Variants in SOX6 observed in about 807,000 individuals in gnomAD.
SOX6 encodes the protein transcription factor SOX-6.
In SOX6, 11 loss-of-function variants were observed where a neutral mutation model predicts 97.8. The ratio of observed to expected loss-of-function variants is 0.11; its 90% confidence interval spans 0.07 to 0.19. The LOEUF is 0.19. Among genes scored for constraint, SOX6 ranks in the 10% least tolerant of loss-of-function variants. The pLI is 1.00. For missense variants in SOX6, 810 were observed against 1,039.5 expected (o/e 0.78, Z 3.04); for synonymous variants, 360 against 371.4 (o/e 0.97, Z 0.35).
chr11:16,043,936 T>G (rs1287463892), intron 12 of SOX6, among the ~76,000 whole-genome samples: 2 of 152,222 alleles, frequency 1.3e-5, no homozygotes, highest in Admixed American at 6.5e-5. Flanking sequence ...TCACCCCAAC[T>G]TAGGACAATT....
chr11:16,063,788 C>T (rs191852058), intron 9 of SOX6, among the ~76,000 whole-genome samples: 10 of 150,708 alleles, frequency 6.6e-5, no homozygotes, highest in African/African-American at 2.4e-4. Context: ...TTCATTTAAT[C>T]TTCACAATTA....
At chr11:16,501,715 T>A (rs1198612831) in intron 4 of SOX6, among the ~76,000 whole-genome samples, 1 of 152,196 alleles carries the variant, frequency 6.6e-6, no homozygotes, top group Admixed American at 6.5e-5. Flanking sequence ...GAACAAATGC[T>A]CATCATCACT....
chr11:16,293,246 T>C (rs939174371), intron 3 of SOX6, among the ~76,000 whole-genome samples: 7 of 152,136 alleles, frequency 4.6e-5, no homozygotes, highest in African/African-American at 1.7e-4. Context: ...CCTATCCCCA[T>C]GATGTAGTTG....
upstream of SOX6, among the ~76,000 whole-genome samples, chr11:16,478,342 G>A (rs568264251): frequency 6.6e-6 from 1 of 152,262 alleles, no homozygotes; most frequent in African/African-American, 2.4e-5. Flanking sequence ...AAGAAAATGT[G>A]ACCAGAAAAT....
At chr11:16,547,084 A>G (rs1275803763) in intron 4 of SOX6, among the ~76,000 whole-genome samples, 1 of 152,204 alleles carries the variant, frequency 6.6e-6, no homozygotes, top group Non-Finnish European at 1.5e-5. Context: ...CCCAGTTAGA[A>G]TGGCTATTAC....
intron 3 of SOX6, among the ~76,000 whole-genome samples, chr11:16,672,518 A>T (rs2134025125): frequency 6.6e-6 from 1 of 152,356 alleles, no homozygotes; most frequent in East Asian, 1.9e-4. Flanking sequence ...GGAGCAAGTA[A>T]CATCTTACAT....
At chr11:15,977,505 T>A (rs922137171) in intron 15 of SOX6, among the ~76,000 whole-genome samples, 2 of 151,904 alleles carry the variant, frequency 1.3e-5, no homozygotes, top group African/African-American at 4.8e-5. Flanking sequence ...TGCCCTCAGT[T>A]ACTTGAGCCT....
intron 3 of SOX6, among the ~76,000 whole-genome samples, chr11:16,652,064 A>C (rs1847661357): frequency 6.6e-6 from 1 of 152,214 alleles, no homozygotes; most frequent in Non-Finnish European, 1.5e-5. Flanking sequence ...CAAGGAGGTG[A>C]AAGATCTCTA....
chr11:16,210,037 G>T (rs1397186867), intron 4 of SOX6, among the ~76,000 whole-genome samples: 1 of 152,068 alleles, frequency 6.6e-6, no homozygotes, highest in Non-Finnish European at 1.5e-5. Flanking sequence ...ATACACTACT[G>T]GTTGGAATGT....
intron 4 of SOX6, among the ~76,000 whole-genome samples, chr11:16,204,664 A>T (rs904949055): frequency 6.6e-6 from 1 of 152,128 alleles, no homozygotes; most frequent in Non-Finnish European, 1.5e-5. Flanking sequence ...ATTAATCTAT[A>T]TCTGGAGGTG....
intron 1 of SOX6, among the ~76,000 whole-genome samples, chr11:16,423,956 T>G (rs1308452804): frequency 1.3e-5 from 2 of 152,178 alleles, no homozygotes; most frequent in Non-Finnish European, 2.9e-5. Context: ...ATACCTACTA[T>G]GTGTTAAGTG....
At chr11:16,170,718 G>A (rs1007707913) in intron 6 of SOX6, among the ~76,000 whole-genome samples, 4 of 151,944 alleles carry the variant, frequency 2.6e-5, no homozygotes, top group Admixed American at 6.6e-5. Context: ...AAACTACTGC[G>A]TAACAGCTCT....
chr11:16,380,340 G>T (rs191236387), intron 1 of SOX6, among the ~76,000 whole-genome samples: 1 of 151,972 alleles, frequency 6.6e-6, no homozygotes, highest in East Asian at 1.9e-4. Flanking sequence ...ACAGAAAAAC[G>T]TCAAGGATAT....
At chr11:16,097,862 T>C (rs1398603926) in intron 7 of SOX6, among the ~76,000 whole-genome samples, 174 bp from the exon 8 acceptor site, 2 of 151,804 alleles carry the variant, frequency 1.3e-5, no homozygotes, top group East Asian at 1.9e-4. Context: ...TTGGAACTTT[T>C]TGTTAACAGA....
At chr11:16,505,859 G>A (rs572314444) in intron 4 of SOX6, among the ~76,000 whole-genome samples, 8 of 152,328 alleles carry the variant, frequency 5.3e-5, no homozygotes, top group East Asian at 1.9e-4. Flanking sequence ...AGCCACCAAG[G>A]TGTTAAGCCT....
intron 9 of SOX6, among the ~76,000 whole-genome samples, chr11:16,090,718 T>A (rs1033343869): frequency 1.3e-5 from 2 of 152,008 alleles, no homozygotes; most frequent in Non-Finnish European, 2.9e-5. Context: ...TTTTGCCAAA[T>A]ACTGTGCTAG....
chr11:16,057,683 C>A (rs1258429133), intron 9 of SOX6, among the ~76,000 whole-genome samples: 1 of 152,126 alleles, frequency 6.6e-6, no homozygotes, highest in Non-Finnish European at 1.5e-5. Context: ...CATTTTGGTA[C>A]AAGAGCTTCC....
chr11:15,981,783 T>C (rs962655970), intron 15 of SOX6, among the ~76,000 whole-genome samples: 1 of 152,070 alleles, frequency 6.6e-6, no homozygotes, highest in African/African-American at 2.4e-5. Context: ...CTAAAATAAT[T>C]ATTGTAATAT....
chr11:16,514,919 G>A (rs1452783469), intron 4 of SOX6, among the ~76,000 whole-genome samples: 21 of 151,566 alleles, frequency 1.4e-4, no homozygotes, highest in Admixed American at 1.3e-3. Flanking sequence ...GTGTATATGC[G>A]CCACATTTTC....
Sources: gnomAD v4.1 joint callset for allele counts (sites outside exome capture counted in the v4.1 genomes callset) on GRCh38, gnomAD v4.1.1 for gene constraint, MANE v1.5 for transcripts, NCBI Gene and HGNC (gene_info 2026-07-23, HGNC 2026-07-21) for gene names.